Variants in GPHN observed in about 807,000 individuals in gnomAD.
The protein encoded by GPHN is gephyrin.
GPHN carries 17 observed loss-of-function variants against 95.5 expected under a neutral mutation model. The ratio of observed to expected loss-of-function variants is 0.18; its 90% CI spans 0.12 to 0.27. The LOEUF is 0.27. Among genes scored for constraint, GPHN ranks in the 10% least tolerant of loss-of-function variants. The pLI is 1.00. For missense variants in GPHN, 660 were observed against 978.1 expected (o/e 0.67, Z 4.34); for synonymous variants, 320 against 322.5 (o/e 0.99, Z 0.08).
the GPHN span, among the ~76,000 whole-genome samples, chr14:67,403,858 T>C: frequency 5.9e-5 from 9 of 151,952 alleles, no homozygotes; most frequent in African/African-American, 1.7e-4. Context: ...TCAAGACCAG[T>C]CTGGGCGCTA....
chr14:67,171,783 C>T (rs1208465179), intron 21 of GPHN, among the ~76,000 whole-genome samples: 1 of 152,106 alleles, frequency 6.6e-6, no homozygotes, highest in African/African-American at 2.4e-5. Flanking sequence ...TCAGGATGGT[C>T]ACATCGAGAA....
the GPHN span, among the ~76,000 whole-genome samples, chr14:67,711,702 C>A: frequency 1.3e-5 from 2 of 152,130 alleles, no homozygotes; most frequent in African/African-American, 4.8e-5. Flanking sequence ...ACCTGTTTCA[C>A]AACACTAGGC....
At chr14:66,838,066 A>G (rs1280073551) in intron 4 of GPHN, among the ~76,000 whole-genome samples, 2 of 152,144 alleles carry the variant, frequency 1.3e-5, no homozygotes, top group East Asian at 3.8e-4. Flanking sequence ...AATTAATAAT[A>G]ATAAAAATAA....
chr14:67,358,236 T>C, the GPHN span, among the ~76,000 whole-genome samples: 47,329 of 152,084 alleles, frequency 0.31, 11,292 homozygotes, highest in African/African-American at 0.64. Context: ...TGTCACTACC[T>C]CGGGATAGTC....
the GPHN span, among the ~76,000 whole-genome samples, chr14:67,427,925 C>CTT: frequency 0.083 from 11,795 of 142,256 alleles, 1,264 homozygotes; most frequent in African/African-American, 0.25. Flanking sequence ...CGACAATGCC[C>CTT]TTTTTTTTTT....
At chr14:67,099,345 C>T (rs1481798057) in intron 12 of GPHN, among the ~76,000 whole-genome samples, 1 of 152,010 alleles carries the variant, frequency 6.6e-6, no homozygotes, top group Non-Finnish European at 1.5e-5. Flanking sequence ...TGGTCTTGAA[C>T]TCCCGACCTC....
intron 1 of GPHN, among the ~76,000 whole-genome samples, chr14:66,556,750 A>C (rs1448145307): frequency 1.1e-4 from 16 of 152,028 alleles, no homozygotes; most frequent in Non-Finnish European, 1.5e-5. Flanking sequence ...GAATTAATTG[A>C]GGATTTACAG....
At chr14:67,485,058 C>T in the GPHN span, among the ~76,000 whole-genome samples, 1 of 152,218 alleles carries the variant, frequency 6.6e-6, no homozygotes, top group African/African-American at 2.4e-5. Flanking sequence ...ACGAGAATTA[C>T]CTTTAATGCC....
the GPHN span, chr14:67,473,465 G>A: frequency 6.2e-7 from 1 of 1,614,180 alleles, no homozygotes; most frequent in Non-Finnish European, 8.5e-7. This position sits in a 1 kb window ranked among gnomAD's most constrained non-coding sequence, Gnocchi z 6.5. Flanking sequence ...GGGCGCCGCT[G>A]GGCTCCCCGG....
chr14:67,585,927 C>A, the GPHN span: 7 of 1,600,390 alleles, frequency 4.4e-6, no homozygotes, highest in Admixed American at 5.1e-5. Context: ...AGTTTCCCCA[C>A]AACTGACTGG....
intron 1 of GPHN, among the ~76,000 whole-genome samples, chr14:66,568,656 A>G (rs1361099268): frequency 1.3e-5 from 2 of 152,162 alleles, no homozygotes; most frequent in East Asian, 1.9e-4. Context: ...TCTTTCTAGT[A>G]CATTAAACAG....
intron 1 of GPHN, among the ~76,000 whole-genome samples, chr14:66,661,963 C>A (rs2065685720): frequency 6.6e-6 from 1 of 152,186 alleles, no homozygotes; most frequent in Non-Finnish European, 1.5e-5. Flanking sequence ...CGGGACTTCC[C>A]AACTGTGTCC....
At chr14:66,844,934 T>C (rs2062255602) in intron 4 of GPHN, among the ~76,000 whole-genome samples, 1 of 152,134 alleles carries the variant, frequency 6.6e-6, no homozygotes, top group South Asian at 2.1e-4. Flanking sequence ...TCTTTATAAA[T>C]TTGCCTGTTC....
the GPHN span, chr14:67,645,512 C>A: frequency 1.7e-5 from 17 of 1,026,576 alleles, no homozygotes; most frequent in Middle Eastern, 3.2e-4. Context: ...CTTGCCTCAC[C>A]CAAACCCAGT....
chr14:67,348,108 C>G, the GPHN span, among the ~76,000 whole-genome samples: 1 of 151,048 alleles, frequency 6.6e-6, no homozygotes, highest in Non-Finnish European at 1.5e-5. Flanking sequence ...GAGTTTCGCT[C>G]TTGTTGCCTG....
At chr14:67,600,206 C>G in the GPHN span, 1 of 1,566,722 alleles carries the variant, frequency 6.4e-7, no homozygotes. Flanking sequence ...TCCTCCATGA[C>G]GCCCCCACTC....
intron 9 of GPHN, among the ~76,000 whole-genome samples, chr14:67,002,826 T>C (rs1447314571): frequency 6.6e-6 from 1 of 151,616 alleles, no homozygotes; most frequent in Admixed American, 6.6e-5. Context: ...AAAGGTAAAG[T>C]TATTTTTTGT....
At chr14:66,771,580 T>G (rs2059175055) in intron 2 of GPHN, among the ~76,000 whole-genome samples, 1 of 151,692 alleles carries the variant, frequency 6.6e-6, no homozygotes, top group Non-Finnish European at 1.5e-5. Flanking sequence ...AAATTGCAAT[T>G]TTTTTTTATC....
At chr14:67,464,974 C>A in the GPHN span, among the ~76,000 whole-genome samples, 2 of 152,208 alleles carry the variant, frequency 1.3e-5, no homozygotes, top group Non-Finnish European at 2.9e-5. Flanking sequence ...TGTCGGCACC[C>A]TGTAATTCCA....
Sources: allele counts gnomAD v4.1 joint callset (sites outside exome capture counted in the v4.1 genomes callset), GRCh38; gene constraint gnomAD v4.1.1; non-coding constraint Gnocchi (gnomAD v3.1); transcripts MANE v1.5; gene names NCBI Gene and HGNC (gene_info 2026-07-23, HGNC 2026-07-21).